The following KIF5C variants were observed in gnomAD, a reference collection of about 807,000 sequenced individuals.
KIF5C encodes kinesin family member 5C, also known as kinesin heavy chain isoform 5C.
KIF5C carries 18 observed loss-of-function variants against 125.2 expected under a neutral mutation model. The observed-to-expected ratio is 0.14, with a 90% CI of 0.10 to 0.21. The LOEUF is 0.21. KIF5C is among the 10% of genes least tolerant of loss of function. The pLI is 1.00. For missense variants in KIF5C, 780 were observed against 1,183.8 expected, an observed-to-expected ratio of 0.66 and a Z score of 5.01; for synonymous variants, 405 against 434.0, an observed-to-expected ratio of 0.93 and a Z score of 0.83.
At chr2:148,936,196 T>A (rs1258960117) in intron 3 of KIF5C, among the ~76,000 whole-genome samples, 1 of 152,160 alleles carries the variant, frequency 6.6e-6, no homozygotes, top group Non-Finnish European at 1.5e-5. Flanking sequence ...AAGCTGAGGA[T>A]CACTTGAGCC....
At chr2:148,961,302 G>T (rs936163568) in intron 10 of KIF5C, among the ~76,000 whole-genome samples, 3 of 152,134 alleles carry the variant, frequency 2.0e-5, no homozygotes, top group Non-Finnish European at 4.4e-5. Context: ...GTGATGGGGG[G>T]GGCGGGTGTG....
At chr2:148,970,972 C>T (rs1173959133) in intron 11 of KIF5C, among the ~76,000 whole-genome samples, 1 of 152,174 alleles carries the variant, frequency 6.6e-6, no homozygotes, top group Non-Finnish European at 1.5e-5. Context: ...GGTGTCTGGT[C>T]TGGTACAGCT....
At chr2:148,929,486 T>G in intron 3 of KIF5C, 132 bp downstream of exon 3, 1 of 615,754 alleles carries the variant, frequency 1.6e-6, no homozygotes, top group Non-Finnish European at 2.9e-6. Flanking sequence ...CAATTAATTA[T>G]GTCTTTGAGA....
At chr2:148,918,063 G>A (rs1033491797) in intron 1 of KIF5C, among the ~76,000 whole-genome samples, 1 of 152,142 alleles carries the variant, frequency 6.6e-6, no homozygotes, top group Non-Finnish European at 1.5e-5. Flanking sequence ...CAGGCCATAT[G>A]GTTCCCAGAC....
chr2:148,936,787 G>A (rs1682301583), intron 3 of KIF5C, among the ~76,000 whole-genome samples: 1 of 152,212 alleles, frequency 6.6e-6, no homozygotes, highest in Non-Finnish European at 1.5e-5. Context: ...TCTGTTAAAT[G>A]ATACTGAAAG....
At chr2:149,021,192 A>T (rs1682524198) in intron 25 of KIF5C, among the ~76,000 whole-genome samples, 1 of 152,076 alleles carries the variant, frequency 6.6e-6, no homozygotes, top group Non-Finnish European at 1.5e-5. Context: ...CCTCCCAAGT[A>T]GCTGGGACTA....
At position 148,875,575 on chromosome 2, in the gene KIF5C, G is replaced by GCCCCCCCCCCCTCCCCCTTTCCC; in HGVS notation, c.-37_-36insCCCCCTCCCCCTTTCCCCCCCCC. 1.4e-6 allele frequency: 1 copy of GCCCCCCCCCCCTCCCCCTTTCCC among 699,606 alleles called. No individual in the cohort carries two copies. Among genetic ancestry groups the GCCCCCCCCCCCTCCCCCTTTCCC allele is most frequent in the South Asian group, 1.6e-5 (1 of 64,500 alleles). 43.3% of individuals were successfully genotyped at this position (699,606 alleles called of 1,614,324 possible). ...TCCTCCCTCGTCGTTCCCGGCCCCG[G>GCCCCCCCCCCCTCCCCCTTTCCC]CCCCCCACCCATCCCCGTGCCCCCT... On this transcript the variant is annotated 5_prime_UTR_variant, in exon 1 of 26. Transcript: ENST00000435030.
chr2:148,937,445 A>G, intron 4 of KIF5C, 57 bp downstream of exon 4: 5 of 1,527,014 alleles, frequency 3.3e-6, no homozygotes, highest in South Asian at 2.5e-5. Context: ...AACGTTTCTT[A>G]TACCTCCTCC....
intron 1 of KIF5C, among the ~76,000 whole-genome samples, chr2:148,891,639 C>T (rs1681710476): frequency 6.6e-6 from 1 of 152,158 alleles, no homozygotes; most frequent in African/African-American, 2.4e-5. Flanking sequence ...AGTGTAGTGA[C>T]AACACTTAAA....
At chr2:148,887,509 A>C (rs1681572094) in intron 1 of KIF5C, among the ~76,000 whole-genome samples, 1 of 152,142 alleles carries the variant, frequency 6.6e-6, no homozygotes, top group Admixed American at 6.5e-5. Context: ...GGGAAAGCAA[A>C]TTTAAAAAAA....
At chr2:149,018,097 T>C (rs1682422759) in intron 25 of KIF5C, among the ~76,000 whole-genome samples, 1 of 152,106 alleles carries the variant, frequency 6.6e-6, no homozygotes, top group Non-Finnish European at 1.5e-5. Flanking sequence ...GAGACAAGCC[T>C]GGACAACTTA....
intron 15 of KIF5C, 114 bp from the exon 16 acceptor site, chr2:148,990,896 A>G: frequency 2.1e-6 from 3 of 1,442,464 alleles, no homozygotes; most frequent in Admixed American, 2.8e-5. Flanking sequence ...TTTAATTAGG[A>G]TTCTGAACCA....
chr2:148,905,531 G>A (rs1681070886), intron 1 of KIF5C, among the ~76,000 whole-genome samples: 1 of 151,456 alleles, frequency 6.6e-6, no homozygotes, highest in Non-Finnish European at 1.5e-5. Flanking sequence ...GTGAGAGGAA[G>A]GATGCTGGGA....
intron 3 of KIF5C, among the ~76,000 whole-genome samples, chr2:148,936,429 C>A (rs1370874715): frequency 6.6e-6 from 1 of 152,178 alleles, no homozygotes; most frequent in Non-Finnish European, 1.5e-5. Context: ...TGACGGTGGG[C>A]TTAGGCAAAG....
At chr2:148,978,032 C>T (rs189565669) in intron 12 of KIF5C, among the ~76,000 whole-genome samples, 12 of 152,252 alleles carry the variant, frequency 7.9e-5, no homozygotes, top group Non-Finnish European at 1.5e-5. Context: ...GGTGTTTAGA[C>T]CCTAGAAGCC....
chr2:148,889,767 G>C (rs372703034), intron 1 of KIF5C, among the ~76,000 whole-genome samples: 18 of 152,298 alleles, frequency 1.2e-4, no homozygotes, highest in African/African-American at 4.1e-4. Flanking sequence ...TCAGGGATCC[G>C]CACGTCTTTA....
At chr2:148,958,059 G>T (rs1337198786) in intron 10 of KIF5C, among the ~76,000 whole-genome samples, 3 of 152,100 alleles carry the variant, frequency 2.0e-5, no homozygotes, top group African/African-American at 7.2e-5. Flanking sequence ...CAGTTATATA[G>T]TATTCTATTG....
At chr2:148,966,741 C>G (rs560911914) in intron 11 of KIF5C, among the ~76,000 whole-genome samples, 1 of 152,164 alleles carries the variant, frequency 6.6e-6, no homozygotes, top group East Asian at 1.9e-4. Flanking sequence ...GAGGTGGGGC[C>G]TTTGGGAGGT....
At chr2:148,986,257 A>C (rs1681379341) in intron 15 of KIF5C, among the ~76,000 whole-genome samples, 1 of 152,178 alleles carries the variant, frequency 6.6e-6, no homozygotes, top group Non-Finnish European at 1.5e-5. Context: ...TGAGATTGAG[A>C]TTGTTTTTAA....
Sources: gnomAD v4.1 joint callset for allele counts (sites outside exome capture counted in the v4.1 genomes callset) on GRCh38, gnomAD v4.1.1 for gene constraint, MANE v1.5 for transcripts, NCBI Gene and HGNC (gene_info 2026-07-23, HGNC 2026-07-21) for gene names.